Variants in NCKAP5 observed in about 807,000 individuals in gnomAD.
NCKAP5 encodes nck-associated protein 5.
In NCKAP5, 92 loss-of-function variants were observed where a neutral mutation model predicts 167.0. That is an observed-to-expected ratio of 0.55 (90% CI 0.47 to 0.66). The LOEUF is 0.66. Ranked by LOEUF, NCKAP5 falls within the 30% of genes least tolerant of loss-of-function variation. The pLI is 0.00. For synonymous variants in NCKAP5, 891 were observed against 877.4 expected (o/e 1.02, Z -0.27); for missense variants, 2,378 against 2,315.0 (o/e 1.03, Z -0.56).
rs1374705707 is a variant in NCKAP5 at position 132,784,827 on chromosome 2, A to G, written c.1984T>C (p.Ser662Pro). The stretch of plus-strand genomic sequence containing the variant: ...ATCACAGTCACACATTCTTCTGAAG[A>G]AGTCCTTTTTACAACTCTTTGCTGC... ...IKQQRVVKRT[S>P]SEECVTVIFD... is the part of the protein sequence containing the mutation. The change falls in exon 14 of 20, where the codon TCT becomes CCT. Residue 662 changes from serine to proline, a missense_variant. Physicochemically the swap from Ser to Pro is moderately conservative, Grantham distance 74 (BLOSUM62 -1). Around this residue, in one of 3 missense-constraint regions of NCKAP5, gnomAD observed 1,049 missense variants for 1,023.4 expected, o/e 1.02. Coordinates refer to ENST00000409261, the MANE Select transcript of NCKAP5 (RefSeq NM_207363.3). 1.3e-6 allele frequency: 2 copies of G among 1,582,598 alleles called. No individual in the cohort carries two copies. Among genetic ancestry groups the G allele is most frequent in the African/African-American group, 2.7e-5 (2 of 73,750 alleles).
chr2:133,103,398 G>T (rs112927699), intron 6 of NCKAP5, among the ~76,000 whole-genome samples: 8,027 of 152,184 alleles, frequency 0.053, 683 homozygotes, highest in African/African-American at 0.18. Flanking sequence ...TTTTTGAAAT[G>T]AATATTATAA....
At chr2:133,144,251 T>C (rs1173023654) in intron 5 of NCKAP5, among the ~76,000 whole-genome samples, 1 of 152,112 alleles carries the variant, frequency 6.6e-6, no homozygotes, top group African/African-American at 2.4e-5. Context: ...TCTGTTGTAA[T>C]GACTCAATTC....
In NCKAP5 at chr2:132,758,379, T is replaced by TA. The variant is rs1680729408; in HGVS notation, c.5128+15436_5128+15437insT. On this transcript the variant is annotated intron_variant, in intron 16 of 19. Coordinates refer to ENST00000409261, the MANE Select transcript of NCKAP5 (RefSeq NM_207363.3). The stretch of plus-strand genomic sequence containing the variant: ...TACAAGTCATTTGTTGCCAGCCTTT[T>TA]TAAAAAATAAATACATGAATCACTG... Among the ~76,000 whole-genome samples the TA allele has an allele frequency of 9.2e-5, 14 of 152,296 alleles. No homozygotes were observed. In the South Asian group the frequency reaches 2.9e-3, roughly 32 times the overall value.
At chr2:133,085,718 C>A (rs1242228333) in intron 6 of NCKAP5, among the ~76,000 whole-genome samples, 3 of 152,120 alleles carry the variant, frequency 2.0e-5, no homozygotes, top group Non-Finnish European at 4.4e-5. Context: ...CTAATTAATT[C>A]ATCGCTGGTT....
At chr2:133,133,187 C>A (rs772115089) in intron 5 of NCKAP5, among the ~76,000 whole-genome samples, 1 of 152,122 alleles carries the variant, frequency 6.6e-6, no homozygotes, top group Non-Finnish European at 1.5e-5. Context: ...ATTTACACAA[C>A]GCCACTAGGT....
chr2:133,481,436 C>A (rs1575035709), intron 3 of NCKAP5, among the ~76,000 whole-genome samples: 1 of 152,198 alleles, frequency 6.6e-6, no homozygotes, highest in South Asian at 2.1e-4. Flanking sequence ...CCAAGCACAA[C>A]ACATTTTTTA....
intron 4 of NCKAP5, among the ~76,000 whole-genome samples, chr2:133,289,105 T>C (rs896657634): frequency 1.3e-5 from 2 of 152,086 alleles, no homozygotes; most frequent in African/African-American, 4.8e-5. Context: ...AACTTAGCAA[T>C]GGTATGACAA....
At chr2:133,213,979 T>C (rs1354274400) in intron 4 of NCKAP5, among the ~76,000 whole-genome samples, 200 bp from the exon 5 acceptor site, 8 of 152,210 alleles carry the variant, frequency 5.3e-5, no homozygotes, top group Admixed American at 6.5e-5. Context: ...AAATTTGCCA[T>C]AGATTTTACA....
chr2:132,682,592 T>C (rs935306703), intron 19 of NCKAP5, among the ~76,000 whole-genome samples: 1 of 152,192 alleles, frequency 6.6e-6, no homozygotes, highest in African/African-American at 2.4e-5. Flanking sequence ...AATTGCTTTG[T>C]TGAGTTAGAA....
upstream of NCKAP5, among the ~76,000 whole-genome samples, chr2:133,573,023 C>G (rs941827031): frequency 6.6e-6 from 1 of 152,154 alleles, no homozygotes; most frequent in Non-Finnish European, 1.5e-5. Flanking sequence ...TTCTTGGTAA[C>G]CATAACTTAC....
intron 3 of NCKAP5, among the ~76,000 whole-genome samples, chr2:133,452,282 A>C (rs1005299508): frequency 6.6e-6 from 1 of 152,190 alleles, no homozygotes; most frequent in African/African-American, 2.4e-5. Flanking sequence ...GGACCAAAGC[A>C]TTAAATGCAG....
chr2:133,387,143 A>G (rs1687038439), intron 3 of NCKAP5, among the ~76,000 whole-genome samples: 1 of 152,092 alleles, frequency 6.6e-6, no homozygotes. Flanking sequence ...CCTAAACTTG[A>G]TGGTCTTTAC....
At chr2:133,304,071 G>A (rs1680599859) in intron 3 of NCKAP5, among the ~76,000 whole-genome samples, 2 of 152,158 alleles carry the variant, frequency 1.3e-5, no homozygotes, top group Non-Finnish European at 2.9e-5. Flanking sequence ...GAAAGCTAGA[G>A]TTCCATTTCT....
At chr2:132,899,848 C>G (rs1394541355) in intron 8 of NCKAP5, among the ~76,000 whole-genome samples, 1 of 152,060 alleles carries the variant, frequency 6.6e-6, no homozygotes, top group Non-Finnish European at 1.5e-5. Flanking sequence ...ACATTCCAGC[C>G]TGGGTGAAAA....
At chr2:133,052,641 C>G (rs2079645125) in intron 6 of NCKAP5, among the ~76,000 whole-genome samples, 1 of 151,622 alleles carries the variant, frequency 6.6e-6, no homozygotes, top group Non-Finnish European at 1.5e-5. Context: ...TCGCTTGAAC[C>G]CGGGAGGCAG....
intron 3 of NCKAP5, among the ~76,000 whole-genome samples, chr2:133,487,147 C>A (rs962774315): frequency 2.0e-5 from 3 of 152,080 alleles, no homozygotes; most frequent in Non-Finnish European, 4.4e-5. Flanking sequence ...AAAGAAAATA[C>A]AAATTCACAC....
intron 11 of NCKAP5, among the ~76,000 whole-genome samples, chr2:132,799,644 A>G (rs1684875119): frequency 6.6e-6 from 1 of 152,210 alleles, no homozygotes; most frequent in Admixed American, 6.5e-5. Flanking sequence ...TTAGATAATA[A>G]GGCACGAATG....
intron 3 of NCKAP5, among the ~76,000 whole-genome samples, chr2:133,338,005 A>G (rs140149943): frequency 5.3e-5 from 8 of 152,346 alleles, no homozygotes; most frequent in Non-Finnish European, 7.3e-5. Flanking sequence ...CTTCAAGTAC[A>G]AACATTTGAA....
chr2:132,817,039 A>G (rs1211377391), intron 11 of NCKAP5, among the ~76,000 whole-genome samples: 1 of 152,230 alleles, frequency 6.6e-6, no homozygotes, highest in Non-Finnish European at 1.5e-5. Context: ...CTGGTAACAC[A>G]TATCTTACAA....
Sources: allele counts gnomAD v4.1 joint callset (sites outside exome capture counted in the v4.1 genomes callset), GRCh38; gene constraint gnomAD v4.1.1; regional missense constraint gnomAD v4.1.1; transcripts MANE v1.5; gene names NCBI Gene and HGNC (gene_info 2026-07-23, HGNC 2026-07-21).